INO80C: variants seen among roughly 807,000 people sequenced by gnomAD.
INO80C encodes IES6 homolog.
In INO80C, 17 loss-of-function variants were observed where a neutral mutation model predicts 17.7. That is an observed-to-expected ratio of 0.96 (90% confidence interval 0.66 to 1.44). The LOEUF (loss-of-function observed/expected upper bound fraction) is 1.44. Ranked by LOEUF, INO80C falls within the 40% of genes most tolerant of loss-of-function variation. The pLI is 0.00. For missense variants in INO80C, 244 were observed against 245.0 expected, an observed-to-expected ratio of 1.00 and a Z score of 0.03; for synonymous variants, 96 against 95.8, an observed-to-expected ratio of 1.00 and a Z score of -0.01.
intron 4 of INO80C, among the ~76,000 whole-genome samples, chr18:35,477,711 G>A (rs2045753497): frequency 6.6e-6 from 1 of 152,212 alleles, no homozygotes. Flanking sequence ...CAGCTCTGCT[G>A]GCAGTTTCTG....
Position 35,468,486 on chromosome 18 carries a change from C to T in INO80C, c.*125G>A. The T allele has an allele frequency of 1.3e-6, 2 of 1,483,398 alleles. No homozygotes were observed. The highest frequency in any genetic ancestry group is 1.4e-5 in the South Asian group (1 of 70,940). The allele number at this position is 1,483,398 out of a possible 1,614,324, so 91.9% of individuals were successfully genotyped here. On this transcript the variant is annotated 3_prime_UTR_variant, in exon 5 of 5. Coordinates refer to ENST00000334598, the MANE Select transcript of INO80C (RefSeq NM_194281.4). The stretch of plus-strand genomic sequence containing the variant: ...AACCCTTAAATTAAAGCCAAACATT[C>T]TTTCCAAGGCACAGCACTGGCATTT...
intron 1 of INO80C, among the ~76,000 whole-genome samples, chr18:35,491,044 G>C (rs1318176114): frequency 3.9e-5 from 6 of 152,222 alleles, no homozygotes; most frequent in Non-Finnish European, 5.9e-5. Context: ...CCAGGTGTGA[G>C]CCACTGCGCC....
chr18:35,487,440 C>T, intron 1 of INO80C: 1 of 360,360 alleles, frequency 2.8e-6, no homozygotes, highest in South Asian at 2.0e-5. Flanking sequence ...AGAGGCACGT[C>T]TTACGTGGCA....
chr18:35,472,391 T>C (rs1330976613), intron 4 of INO80C, among the ~76,000 whole-genome samples: 1 of 152,246 alleles, frequency 6.6e-6, no homozygotes, highest in Non-Finnish European at 1.5e-5. Context: ...TTTGGCTGCA[T>C]AAATGTCTTC....
chr18:35,496,711 T>C (rs1486137441), intron 1 of INO80C: 1 of 152,202 alleles, frequency 6.6e-6, no homozygotes, highest in African/African-American at 2.4e-5. Context: ...GCCCAGCTAT[T>C]TGTAAATTTG....
chr18:35,479,024 A>G (rs2045773037), intron 3 of INO80C: 1 of 280,724 alleles, frequency 3.6e-6, no homozygotes, highest in Non-Finnish European at 6.6e-6. Flanking sequence ...TAGACTTTTG[A>G]ATAAGAAGTT....
At chr18:35,482,040 T>C (rs944005548) in intron 1 of INO80C, among the ~76,000 whole-genome samples, 1 of 152,224 alleles carries the variant, frequency 6.6e-6, no homozygotes, top group South Asian at 2.1e-4. Flanking sequence ...GTTCGGTTCA[T>C]TATCAGTCTT....
chr18:35,489,351 G>A lies in INO80C; in HGVS notation c.156+8368C>T, dbSNP rs1290528166. Reference sequence around the variant, plus strand: ...ACTCACAGTTCCACGTGGCTGGGGAGGCCTCACAATCATGGTGGAAGGCGA... The same window carrying A: ...ACTCACAGTTCCACGTGGCTGGGGAAGCCTCACAATCATGGTGGAAGGCGA... On this transcript the variant is annotated intron_variant, in intron 1 of 4. Coordinates refer to ENST00000334598, the MANE Select transcript of INO80C (RefSeq NM_194281.4). 8 of 277,138 alleles carry A rather than the reference G, an allele frequency of 2.9e-5. 1 individual carries two copies. The highest frequency in any genetic ancestry group is 1.9e-4 in the South Asian group (6 of 30,860). The allele number at this position is 277,138 out of a possible 1,614,324, so 17.2% of individuals were successfully genotyped here. A position where few individuals can be genotyped will look rare whatever the true frequency, so the allele number is the denominator to read the frequency against.
Position 35,480,489 on chromosome 18 carries a change from A to G in INO80C, c.231T>C (p.Ala77=), listed in dbSNP as rs1469055365. 5 of 1,614,004 alleles carry G rather than the reference A, an allele frequency of 3.1e-6. No individual in the cohort carries two copies. The African/African-American group carries it at 6.7e-5, about 22-fold the overall frequency. Reference sequence around the variant, plus strand: ...GATCCTTAAATGGCAAAGGTTTGGCAGCTTTTTCCACAGGTCCTGTGCTAA... The same window carrying G: ...GATCCTTAAATGGCAAAGGTTTGGCGGCTTTTTCCACAGGTCCTGTGCTAA... ...SEFSTGPVEK[A]AKPLPFKDPN... The change falls in exon 2 of 5, where the codon GCT becomes GCC. Residue 77 remains alanine (A), a synonymous_variant. Coordinates refer to ENST00000334598, the MANE Select transcript of INO80C (RefSeq NM_194281.4).
At position 35,497,723 on chromosome 18, in the gene INO80C, G is replaced by A. The variant is rs748390057; in HGVS notation, c.152C>T (p.Ala51Val). The change falls in exon 1 of 5, where the codon GCG (alanine) becomes GTG (valine). Residue 51 changes from alanine to valine, a missense_variant. Ala to Val is a moderately conservative substitution (Grantham distance 64). Transcript: ENST00000334598. ...CCTGGGAGCGCGACTGCGTACCTGC[G>A]CAAAGCTGGAAGCGGACGCTTTTTT... ...KKKKASASSF[A>V]QGISMEAMSE... 3.1e-6 allele frequency: 5 copies of A among 1,611,412 alleles called. No individual in the cohort carries two copies. In the African/African-American group the frequency reaches 4.0e-5, roughly 13 times the overall value.
chr18:35,495,826 T>G (rs1490810366), intron 1 of INO80C, among the ~76,000 whole-genome samples: 1 of 151,854 alleles, frequency 6.6e-6, no homozygotes, highest in Non-Finnish European at 1.5e-5. Flanking sequence ...TCAATATAAT[T>G]TTTTTTTAAA....
chr18:35,475,433 C>CA, intron 4 of INO80C, among the ~76,000 whole-genome samples: 1 of 152,100 alleles, frequency 6.6e-6, no homozygotes, highest in East Asian at 1.9e-4. Context: ...TTTGGGAGAC[C>CA]AAGACAGGAT....
intron 1 of INO80C, among the ~76,000 whole-genome samples, chr18:35,495,803 G>T (rs2045975151): frequency 6.6e-6 from 1 of 151,962 alleles, no homozygotes; most frequent in Non-Finnish European, 1.5e-5. Context: ...ATAATGTAAT[G>T]AACTTCTACA....
chr18:35,495,597 A>G (rs773985522), intron 1 of INO80C, among the ~76,000 whole-genome samples: 1 of 152,156 alleles, frequency 6.6e-6, no homozygotes, highest in Non-Finnish European at 1.5e-5. Context: ...TCCTGAAGGC[A>G]TTTGACCACT....
intron 1 of INO80C, among the ~76,000 whole-genome samples, chr18:35,485,756 A>G (rs562138172): frequency 1.3e-5 from 2 of 152,340 alleles, no homozygotes; most frequent in African/African-American, 4.8e-5. Context: ...CTTGTACACA[A>G]ATATTCATAG....
intron 2 of INO80C, 63 bp downstream of exon 2, chr18:35,480,390 G>T: frequency 8.7e-7 from 1 of 1,149,844 alleles, no homozygotes; most frequent in Non-Finnish European, 1.3e-6. Context: ...TACAGGCCCA[G>T]CAAGATCAGA....
rs1452446791 is a variant in INO80C, at chr18:35,497,937, TTCCGCTG to T, written c.-70_-64del. On this transcript the variant is annotated 5_prime_UTR_variant, in exon 1 of 5. Coordinates refer to ENST00000334598, the MANE Select transcript of INO80C (RefSeq NM_194281.4). Reference sequence around the variant, plus strand: ...CCCAGCGCGGGCCTTGGAACTTCCTTTCCGCTGTTACTTCCGTCTTGATGCTTGAAAA... The same window carrying T: ...CCCAGCGCGGGCCTTGGAACTTCCTTTTACTTCCGTCTTGATGCTTGAAAA... 6.9e-7 allele frequency: 1 copy of T among 1,453,114 alleles called. No individual in the cohort carries two copies. The highest frequency in any genetic ancestry group is 2.7e-5 in the East Asian group (1 of 37,230). 90.0% of individuals were successfully genotyped at this position (1,453,114 alleles called of 1,614,324 possible). A position where few individuals can be genotyped will look rare whatever the true frequency, so the allele number is the denominator to read the frequency against.
chr18:35,485,678 T>C (rs1047222956), intron 1 of INO80C, among the ~76,000 whole-genome samples: 1 of 152,194 alleles, frequency 6.6e-6, no homozygotes, highest in East Asian at 1.9e-4. Context: ...AGAATTATCA[T>C]ATGACCCAAT....
chr18:35,468,856 G>T, intron 4 of INO80C, 114 bp from the exon 5 acceptor site: 1 of 907,364 alleles, frequency 1.1e-6, no homozygotes, highest in Non-Finnish European at 1.7e-6. Context: ...TTTTCATTAT[G>T]TCTTACTCTG....
Sources: gnomAD v4.1 joint callset for allele counts (sites outside exome capture counted in the v4.1 genomes callset) on GRCh38, gnomAD v4.1.1 for gene constraint, MANE v1.5 for transcripts, NCBI Gene and HGNC (gene_info 2026-07-23, HGNC 2026-07-21) for gene names.